The following CFAP52 variants were observed in gnomAD, a reference collection of about 807,000 sequenced individuals.
CFAP52 encodes cilia- and flagella-associated protein 52.
CFAP52 carries 57 observed loss-of-function variants against 70.5 expected under a neutral mutation model. The observed-to-expected ratio is 0.81, with a 90% CI of 0.65 to 1.01. CFAP52 has a LOEUF of 1.01. CFAP52 is among the 50% of genes least tolerant of loss of function. The probability of loss-of-function intolerance (pLI) is 0.00; values close to 1 mark genes in which losing one functional copy is unlikely to be tolerated. For missense variants in CFAP52, 785 were observed against 788.5 expected (o/e 1.00, Z 0.05); for synonymous variants, 267 against 292.5 (o/e 0.91, Z 0.89).
chr17:9,596,257 G>A (rs1187952854), intron 4 of CFAP52, among the ~76,000 whole-genome samples: 2 of 150,796 alleles, frequency 1.3e-5, no homozygotes, highest in South Asian at 2.1e-4. Context: ...ATGCTGCCAC[G>A]CCCGGCTAAT....
At chr17:9,621,784 C>T (rs1350301128) in intron 8 of CFAP52, among the ~76,000 whole-genome samples, 3 of 126,212 alleles carry the variant, frequency 2.4e-5, no homozygotes, top group Admixed American at 8.6e-5. Context: ...TATTCTCACT[C>T]ATAGGTGGGA....
At chr17:9,644,101 TTTTG>T (rs1007533961), downstream of CFAP52, among the ~76,000 whole-genome samples, 69 of 152,176 alleles carry the variant, frequency 4.5e-4, no homozygotes, top group Admixed American at 3.9e-3. Flanking sequence ...AGATCAAGTT[TTTTG>T]TTTGTTTGTT....
intron 3 of CFAP52, among the ~76,000 whole-genome samples, chr17:9,593,239 C>T (rs2151932261): frequency 6.6e-6 from 1 of 152,286 alleles, no homozygotes; most frequent in South Asian, 2.1e-4. Context: ...GATCCACACC[C>T]TATTCAGTGT....
chr17:9,642,440 A>C (rs528289394), intron 13 of CFAP52, among the ~76,000 whole-genome samples: 1 of 152,312 alleles, frequency 6.6e-6, no homozygotes, highest in South Asian at 2.1e-4. Flanking sequence ...CCTGGCCAAC[A>C]TGGTGAAACC....
chr17:9,632,451 A>G (rs1444868891), intron 9 of CFAP52, among the ~76,000 whole-genome samples: 1 of 152,048 alleles, frequency 6.6e-6, no homozygotes, highest in East Asian at 1.9e-4. Flanking sequence ...AAAAGGCCAC[A>G]CTGATCCCTG....
At chr17:9,589,437 A>G (rs1908642406) in intron 3 of CFAP52, among the ~76,000 whole-genome samples, 1 of 152,104 alleles carries the variant, frequency 6.6e-6, no homozygotes, top group African/African-American at 2.4e-5. Flanking sequence ...ACTGTTTCTG[A>G]TAATAAATGT....
chr17:9,576,678 A>T lies in CFAP52; in HGVS notation c.-18A>T. 1 of 1,605,208 alleles carries T rather than the reference A, an allele frequency of 6.2e-7. No homozygotes were observed. Among genetic ancestry groups the T allele is most frequent in the Non-Finnish European group, 8.5e-7 (1 of 1,175,178 alleles). On this transcript the variant is annotated 5_prime_UTR_variant, in exon 1 of 14. Coordinates refer to ENST00000352665, the MANE Select transcript of CFAP52 (RefSeq NM_145054.5). ...CAGCCACTAGGGAGGAGAGCAAAGT[A>T]ATCAGAACCTCCCAAGGATGGATAA...
At chr17:9,591,118 A>T (rs1203537437) in intron 3 of CFAP52, among the ~76,000 whole-genome samples, 2 of 145,638 alleles carry the variant, frequency 1.4e-5, no homozygotes, top group African/African-American at 5.2e-5. Flanking sequence ...GCTCACCACA[A>T]CCTCTGCCTC....
At chr17:9,645,439 G>A (rs995976714), downstream of CFAP52, 6 of 375,960 alleles carry the variant, frequency 1.6e-5, no homozygotes, top group Admixed American at 2.6e-4. This position sits in a 1 kb window ranked among gnomAD's most constrained non-coding sequence, Gnocchi z 6.8. Flanking sequence ...CTGCCCTGGA[G>A]GGGGCTGGTC....
At chr17:9,584,121 A>G in intron 1 of CFAP52, 2 of 1,111,228 alleles carry the variant, frequency 1.8e-6, no homozygotes, top group South Asian at 1.8e-5. Flanking sequence ...TGTTCTTACC[A>G]GGCTGGTCAG....
intron 7 of CFAP52, among the ~76,000 whole-genome samples, chr17:9,609,049 C>T (rs375135798): frequency 6.6e-5 from 10 of 152,226 alleles, no homozygotes; most frequent in African/African-American, 2.2e-4. Context: ...TGGGCTTAAA[C>T]AAAAACCAGA....
chr17:9,608,077 T>G, intron 6 of CFAP52, 42 bp from the exon 7 acceptor site: 208 of 1,532,470 alleles, frequency 1.4e-4, no homozygotes, highest in Non-Finnish European at 1.7e-4. Context: ...TGGTGATTTG[T>G]GAGATTTTTG....
At chr17:9,622,948 T>C (rs1055236597) in intron 8 of CFAP52, among the ~76,000 whole-genome samples, 1 of 152,218 alleles carries the variant, frequency 6.6e-6, no homozygotes. Flanking sequence ...AGATCTTTTT[T>C]CTTCTCTGTG....
chr17:9,611,755 CT>C (rs1336425868), intron 7 of CFAP52, among the ~76,000 whole-genome samples: 3 of 152,108 alleles, frequency 2.0e-5, no homozygotes, highest in Non-Finnish European at 4.4e-5. Context: ...ATGATGTAAT[CT>C]TTTTATTATG....
In CFAP52 at chr17:9,594,248, G is replaced by A. The variant is rs558413904; in HGVS notation, c.463G>A (p.Gly155Ser). 39 of 1,613,798 alleles carry A rather than the reference G, an allele frequency of 2.4e-5. No homozygotes were observed. Among genetic ancestry groups the A allele is most frequent in the South Asian group, 1.9e-4 (17 of 91,064 alleles). Residue 155 changes from glycine (G) to serine (S), a missense_variant, in exon 4 of 14, where the codon GGC (glycine) becomes AGC (serine). By Grantham distance (56) the Gly-to-Ser change is moderately conservative (BLOSUM62 0). Coordinates refer to ENST00000352665, the MANE Select transcript of CFAP52 (RefSeq NM_145054.5). ...TGCCATCTGTGGCAGCCCTGCAGCC[G>A]GCCTCAATGTTGGCAATGCCACCAA... ...RDAICGSPAA[G>S]LNVGNATNVI...
At chr17:9,631,950 T>C (rs1055214874) in intron 9 of CFAP52, among the ~76,000 whole-genome samples, 3 of 151,986 alleles carry the variant, frequency 2.0e-5, no homozygotes, top group African/African-American at 4.8e-5. Flanking sequence ...TGTAATTTTT[T>C]TTAGTAGAGG....
At chr17:9,608,027 G>T in intron 6 of CFAP52, 92 bp from the exon 7 acceptor site, 7 of 884,866 alleles carry the variant, frequency 7.9e-6, no homozygotes, top group South Asian at 3.0e-5. Context: ...TATGTTTTTG[G>T]GGAACAGGTG....
rs200153894 is a variant in CFAP52 at position 9,576,721 on chromosome 17, C to T, written c.26C>T (p.Ala9Val). The T allele has an allele frequency of 1.6e-4, 264 of 1,612,308 alleles. No homozygotes were observed. The highest frequency in any genetic ancestry group is 1.8e-4 in the Non-Finnish European group (216 of 1,179,212). MDNKISPE[A>V]QVAELELDAV... ...ATGGATAACAAAATTTCGCCGGAGG[C>T]CCAAGTGGCGGAGCTGGAACTTGAC... Residue 9 changes from alanine to valine, a missense_variant, in exon 1 of 14, where the codon GCC (alanine) becomes GTC (valine). Ala to Val is a moderately conservative substitution (Grantham distance 64). Transcript: ENST00000352665.
intron 1 of CFAP52, 65 bp from the exon 2 acceptor site, chr17:9,585,708 T>C: frequency 1.3e-6 from 2 of 1,506,046 alleles, no homozygotes; most frequent in Non-Finnish European, 1.8e-6. Flanking sequence ...TGTTTTGTAC[T>C]CAAGTAGAAA....
Sources: allele counts gnomAD v4.1 joint callset (sites outside exome capture counted in the v4.1 genomes callset), GRCh38; gene constraint gnomAD v4.1.1; non-coding constraint Gnocchi (gnomAD v3.1); transcripts MANE v1.5; gene names NCBI Gene and HGNC (gene_info 2026-07-23, HGNC 2026-07-21).